DAP: variants seen among roughly 807,000 people sequenced by gnomAD.
The protein encoded by DAP is death-associated protein 1.
Under a neutral mutation model 13.8 loss-of-function variants are expected in DAP, and 8 were observed. That is an observed-to-expected ratio of 0.58 (90% CI 0.34 to 1.05). The LOEUF (loss-of-function observed/expected upper bound fraction) is 1.05. Among genes scored for constraint, DAP ranks in the 50% least tolerant of loss-of-function variants. The pLI, the probability that DAP is intolerant of heterozygous loss-of-function variation, is 0.03. For missense variants in DAP, 106 were observed against 133.2 expected (o/e 0.80, Z 1.01); for synonymous variants, 47 against 47.5 (o/e 0.99, Z 0.04).
intron 2 of DAP, among the ~76,000 whole-genome samples, chr5:10,709,446 A>G (rs1261945711): frequency 6.6e-6 from 1 of 152,224 alleles, no homozygotes; most frequent in Non-Finnish European, 1.5e-5. Context: ...CCAGTACATC[A>G]ATCCCACCAC....
intron 2 of DAP, among the ~76,000 whole-genome samples, chr5:10,685,925 G>GACACAC (rs111266561): frequency 2.0e-5 from 3 of 151,830 alleles, no homozygotes; most frequent in African/African-American, 7.3e-5. Context: ...CCCCTCTACA[G>GACACAC]ACACACACAC....
chr5:10,730,883 T>G (rs1199325330), intron 2 of DAP, among the ~76,000 whole-genome samples: 1 of 107,440 alleles, frequency 9.3e-6, no homozygotes, highest in Non-Finnish European at 1.9e-5. Flanking sequence ...GGGGGGAATC[T>G]TTCTCTACTG....
intron 1 of DAP, among the ~76,000 whole-genome samples, chr5:10,757,887 A>C (rs1302900807): frequency 1.3e-5 from 2 of 152,146 alleles, no homozygotes; most frequent in Non-Finnish European, 2.9e-5. Context: ...CCCGGGAATA[A>C]AGAGATCAAG....
intron 1 of DAP, among the ~76,000 whole-genome samples, chr5:10,754,239 C>A (rs1404468449): frequency 6.6e-6 from 1 of 152,094 alleles, no homozygotes; most frequent in East Asian, 1.9e-4. Context: ...GACAGTCTGG[C>A]CCAATAACAG....
chr5:10,695,967 A>G (rs1225425848), intron 2 of DAP, among the ~76,000 whole-genome samples: 1 of 151,888 alleles, frequency 6.6e-6, no homozygotes, highest in African/African-American at 2.4e-5. Flanking sequence ...CTCTGCATGT[A>G]GTGTGAAAGC....
At chr5:10,694,410 G>A (rs532050273) in intron 2 of DAP, among the ~76,000 whole-genome samples, 11 of 146,622 alleles carry the variant, frequency 7.5e-5, no homozygotes, top group East Asian at 2.0e-4. Flanking sequence ...ACACACACAC[G>A]CACATACACA....
At chr5:10,755,624 C>T (rs910062304) in intron 1 of DAP, among the ~76,000 whole-genome samples, 3 of 152,138 alleles carry the variant, frequency 2.0e-5, no homozygotes, top group African/African-American at 7.2e-5. Flanking sequence ...AGAAATAAAC[C>T]TGGATTAGTT....
At chr5:10,757,361 G>C (rs1263086280) in intron 1 of DAP, among the ~76,000 whole-genome samples, 1 of 151,960 alleles carries the variant, frequency 6.6e-6, no homozygotes, top group Non-Finnish European at 1.5e-5. Context: ...CACAACCTCT[G>C]CCTCCCAGGT....
At chr5:10,684,811 G>A (rs1165111800) in intron 2 of DAP, among the ~76,000 whole-genome samples, 1 of 152,160 alleles carries the variant, frequency 6.6e-6, no homozygotes, top group Non-Finnish European at 1.5e-5. Flanking sequence ...TCCACCAAGA[G>A]GTACAGACAC....
At chr5:10,760,759 A>G (rs1362495777) in intron 1 of DAP, among the ~76,000 whole-genome samples, 2 of 152,186 alleles carry the variant, frequency 1.3e-5, no homozygotes, top group African/African-American at 4.8e-5. Context: ...GCAATCGCAC[A>G]GGTACGCGGC....
chr5:10,729,671 A>T (rs143511530), intron 2 of DAP, among the ~76,000 whole-genome samples: 1 of 152,338 alleles, frequency 6.6e-6, no homozygotes, highest in East Asian at 1.9e-4. Flanking sequence ...CCACATTCTG[A>T]CTAGCACACC....
intron 2 of DAP, among the ~76,000 whole-genome samples, chr5:10,746,866 C>T (rs771149230): frequency 6.6e-6 from 1 of 152,178 alleles, no homozygotes; most frequent in Non-Finnish European, 1.5e-5. Flanking sequence ...TTACCAAGAA[C>T]ATGCACCACT....
chr5:10,724,365 T>C (rs1023535670), intron 2 of DAP, among the ~76,000 whole-genome samples: 2 of 152,256 alleles, frequency 1.3e-5, no homozygotes, highest in Non-Finnish European at 2.9e-5. Flanking sequence ...GTGCTTTTAG[T>C]TCTTTTCAAA....
At chr5:10,694,222 C>T (rs1320361773) in intron 2 of DAP, among the ~76,000 whole-genome samples, 1 of 152,172 alleles carries the variant, frequency 6.6e-6, no homozygotes, top group Non-Finnish European at 1.5e-5. Flanking sequence ...GGCAAATGGA[C>T]ACCATGAGTG....
At chr5:10,686,189 C>T (rs1738150896) in intron 2 of DAP, among the ~76,000 whole-genome samples, 1 of 152,236 alleles carries the variant, frequency 6.6e-6, no homozygotes, top group African/African-American at 2.4e-5. Context: ...TGTGTTCTGA[C>T]AGTTCTACTG....
At chr5:10,687,190 A>T (rs995323120) in intron 2 of DAP, among the ~76,000 whole-genome samples, 13 of 152,206 alleles carry the variant, frequency 8.5e-5, no homozygotes, top group Non-Finnish European at 1.3e-4. Context: ...CTGCTGATTT[A>T]TAATGCTCCT....
intron 2 of DAP, among the ~76,000 whole-genome samples, chr5:10,735,611 A>G (rs1458105637): frequency 2.0e-5 from 3 of 152,208 alleles, no homozygotes; most frequent in Non-Finnish European, 2.9e-5. Context: ...GCATGCAGAA[A>G]ACATTTTTCT....
At chr5:10,685,765 C>T (rs1160840115) in intron 2 of DAP, among the ~76,000 whole-genome samples, 1 of 152,180 alleles carries the variant, frequency 6.6e-6, no homozygotes, top group Non-Finnish European at 1.5e-5. Context: ...GACATCACCC[C>T]ACTCCAGAAA....
intron 2 of DAP, among the ~76,000 whole-genome samples, chr5:10,685,826 A>G (rs899442776): frequency 8.5e-5 from 13 of 152,226 alleles, no homozygotes; most frequent in African/African-American, 3.1e-4. Context: ...GAATACATGC[A>G]TAATAAAGGG....
Sources: gnomAD v4.1 joint callset for allele counts (sites outside exome capture counted in the v4.1 genomes callset) on GRCh38, gnomAD v4.1.1 for gene constraint, MANE v1.5 for transcripts, NCBI Gene and HGNC (gene_info 2026-07-23, HGNC 2026-07-21) for gene names.